The following MVB12B variants were observed in gnomAD, a reference collection of about 807,000 sequenced individuals.
MVB12B encodes the protein multivesicular body subunit 12B, also known as ESCRT-I complex subunit MVB12B.
In MVB12B, 16 loss-of-function variants were observed where a neutral mutation model predicts 41.6. The observed-to-expected ratio is 0.38, with a 90% CI of 0.26 to 0.58. The LOEUF is 0.58. MVB12B is among the 20% of genes least tolerant of loss of function. The pLI, the probability that MVB12B is intolerant of heterozygous loss-of-function variation, is 0.62. For missense variants in MVB12B, 274 were observed against 380.2 expected, an observed-to-expected ratio of 0.72 and a Z score of 2.32; for synonymous variants, 133 against 139.7, an observed-to-expected ratio of 0.95 and a Z score of 0.34.
intron 6 of MVB12B, chr9:126,397,318 G>A (rs780836475): frequency 2.2e-5 from 22 of 985,452 alleles, no homozygotes; most frequent in Non-Finnish European, 2.7e-5. Context: ...GCTGGTGACT[G>A]TGAGAGCAAA....
intron 7 of MVB12B, among the ~76,000 whole-genome samples, chr9:126,450,654 G>C (rs1832871594): frequency 1.3e-5 from 2 of 152,176 alleles, no homozygotes; most frequent in African/African-American, 4.8e-5. Context: ...AGCATTTATA[G>C]AGTGCTTCAC....
chr9:126,394,727 G>A (rs1831055566), intron 5 of MVB12B, among the ~76,000 whole-genome samples: 2 of 152,190 alleles, frequency 1.3e-5, no homozygotes, highest in South Asian at 4.1e-4. Flanking sequence ...CAGGATTGTG[G>A]TTTTACATGG....
intron 7 of MVB12B, among the ~76,000 whole-genome samples, chr9:126,435,658 CAAAAAAA>C (rs34798291): frequency 8.0e-6 from 1 of 125,080 alleles, no homozygotes; most frequent in African/African-American, 3.0e-5. Context: ...TTATTTTAGC[CAAAAAAA>C]AAAAAAAAAA....
rs1834024501 is a variant in MVB12B, at chr9:126,504,390, C to G, written c.*1127C>G. The G allele has an allele frequency of 6.6e-6, 1 of 152,314 alleles. No homozygotes were observed. The highest frequency in any genetic ancestry group is 1.5e-5 in the Non-Finnish European group (1 of 68,088). 9.4% of individuals were successfully genotyped at this position (152,314 alleles called of 1,614,324 possible). A position where few individuals can be genotyped will look rare whatever the true frequency, so the allele number is the denominator to read the frequency against. ...CTGCCTCACTCTGTGGTGTCAGGCA[C>G]TGGGCTGTGTCCTGATTCCTCAGAG... On this transcript the variant is annotated 3_prime_UTR_variant, in exon 10 of 10. Coordinates refer to ENST00000361171, the MANE Select transcript of MVB12B (RefSeq NM_033446.3).
chr9:126,458,637 G>A lies in MVB12B; in HGVS notation c.758-22732G>A, dbSNP rs554597251. ...CTCATTCCAGCCTGCAGTTTGTCCC[G>A]CCTGGTTGCGACAGCAGCCCTGGCT... On this transcript the variant is annotated intron_variant, in intron 7 of 9. Coordinates refer to ENST00000361171, the MANE Select transcript of MVB12B (RefSeq NM_033446.3). 5.3e-5 allele frequency among the ~76,000 whole-genome samples: 8 copies of A among 152,234 alleles called. No homozygotes were observed. The East Asian group carries it at 7.7e-4, about 15-fold the overall frequency.
At chr9:126,445,583 G>C (rs867951920) in intron 7 of MVB12B, among the ~76,000 whole-genome samples, 1 of 151,900 alleles carries the variant, frequency 6.6e-6, no homozygotes, top group Non-Finnish European at 1.5e-5. Context: ...GATTACAGGC[G>C]TGAGCCACCG....
At chr9:126,470,745 C>A (rs12380654) in intron 7 of MVB12B, among the ~76,000 whole-genome samples, 16,563 of 151,758 alleles carry the variant, frequency 0.11, 1,120 homozygotes, top group Admixed American at 0.19. Context: ...GCACCCTGGT[C>A]TGGGTGCCCA....
chr9:126,440,258 G>A (rs1301422841), intron 7 of MVB12B, among the ~76,000 whole-genome samples: 2 of 152,178 alleles, frequency 1.3e-5, no homozygotes, highest in African/African-American at 2.4e-5. Context: ...CCCCCAAACT[G>A]TGCACAGGAC....
At chr9:126,420,019 C>T (rs1354102348) in intron 6 of MVB12B, among the ~76,000 whole-genome samples, 2 of 152,190 alleles carry the variant, frequency 1.3e-5, no homozygotes, top group Admixed American at 6.5e-5. Flanking sequence ...CCGACGTGTG[C>T]CCTAACCCTA....
At chr9:126,346,238 G>A (rs965744877) in intron 2 of MVB12B, among the ~76,000 whole-genome samples, 8 of 152,222 alleles carry the variant, frequency 5.3e-5, no homozygotes, top group Non-Finnish European at 1.2e-4. Context: ...TTCGTGCAGA[G>A]TGAGAGCTAG....
intron 7 of MVB12B, among the ~76,000 whole-genome samples, chr9:126,456,809 G>A (rs960477582): frequency 6.6e-6 from 1 of 152,212 alleles, no homozygotes; most frequent in Non-Finnish European, 1.5e-5. Flanking sequence ...AGCTGATCTA[G>A]TAATTACTTC....
In MVB12B at chr9:126,476,300, C is replaced by T. The variant is rs548343963; in HGVS notation, c.758-5069C>T. ...AATGCCTGCATGTGGAGCAGGTTGG[C>T]CATGGGCCCCACCAACTCCCCAGGG... On this transcript the variant is annotated intron_variant, in intron 7 of 9. Transcript: ENST00000361171. Among the ~76,000 whole-genome samples, 9 of 152,322 alleles carry T rather than the reference C, an allele frequency of 5.9e-5. No homozygotes were observed. In the South Asian group the frequency reaches 6.2e-4, roughly 11 times the overall value.
chr9:126,433,845 C>T (rs1832395358), intron 7 of MVB12B, among the ~76,000 whole-genome samples: 1 of 152,186 alleles, frequency 6.6e-6, no homozygotes, highest in East Asian at 1.9e-4. Context: ...CAGCTGCCAG[C>T]ATTGCCGAGC....
At chr9:126,435,478 C>T (rs1024671149) in intron 7 of MVB12B, among the ~76,000 whole-genome samples, 2 of 152,164 alleles carry the variant, frequency 1.3e-5, no homozygotes, top group African/African-American at 4.8e-5. Context: ...AACTTCTCAA[C>T]ATTTAAATCA....
chr9:126,338,538 C>A (rs1403044480), intron 1 of MVB12B, among the ~76,000 whole-genome samples: 1 of 150,304 alleles, frequency 6.7e-6, no homozygotes, highest in African/African-American at 2.5e-5. Flanking sequence ...TTGTCACTTT[C>A]TTTTCTCTCT....
At chr9:126,490,295 CCCTGGCATCCGTGGAAGA>C (rs1360162905) in intron 9 of MVB12B, among the ~76,000 whole-genome samples, 2 of 152,164 alleles carry the variant, frequency 1.3e-5, no homozygotes, top group African/African-American at 4.8e-5. Context: ...CACGGTCCCG[CCCTGGCATCCGTGGAAGA>C]CCTCACCATC....
chr9:126,360,995 C>T (rs1040171109), intron 2 of MVB12B, among the ~76,000 whole-genome samples: 1 of 152,144 alleles, frequency 6.6e-6, no homozygotes, highest in African/African-American at 2.4e-5. Context: ...TTCTTGTAGA[C>T]ACCGTATTAT....
At position 126,446,713 on chromosome 9, in the gene MVB12B, GT is replaced by G. The variant is rs1378495275; in HGVS notation, c.757+24768del. ...ACCTAAATTTCATCTAAATTTTAAA[GT>G]TTATTGGTACAAAATTTTACTTAAG... On this transcript the variant is annotated intron_variant, in intron 7 of 9. Coordinates refer to ENST00000361171, the MANE Select transcript of MVB12B (RefSeq NM_033446.3). Among the ~76,000 whole-genome samples, 66 of 151,364 alleles carry G rather than the reference GT, an allele frequency of 4.4e-4. 1 individual carries two copies. The highest frequency in any genetic ancestry group is 5.9e-5 in the Non-Finnish European group (4 of 67,884).
intron 7 of MVB12B, among the ~76,000 whole-genome samples, chr9:126,432,908 A>G (rs1377307925): frequency 6.6e-6 from 1 of 152,230 alleles, no homozygotes; most frequent in African/African-American, 2.4e-5. Flanking sequence ...ACTGGGCCTC[A>G]GCACTGTTTA....
Sources: gnomAD v4.1 joint callset for allele counts (sites outside exome capture counted in the v4.1 genomes callset) on GRCh38, gnomAD v4.1.1 for gene constraint, MANE v1.5 for transcripts, NCBI Gene and HGNC (gene_info 2026-07-23, HGNC 2026-07-21) for gene names.